The following IL2RB variants were observed in gnomAD, a reference collection of about 807,000 sequenced individuals.
IL2RB encodes the protein interleukin-2 receptor subunit beta.
A neutral mutation model predicts 44.2 loss-of-function variants in IL2RB; 17 were observed. The observed-to-expected ratio is 0.38, with a 90% CI of 0.26 to 0.58. The LOEUF (loss-of-function observed/expected upper bound fraction) is 0.58. Ranked by LOEUF, IL2RB falls within the 20% of genes least tolerant of loss-of-function variation. The probability of loss-of-function intolerance (pLI) is 0.63; values close to 1 mark genes in which losing one functional copy is unlikely to be tolerated. For missense variants in IL2RB, 624 were observed against 685.5 expected (o/e 0.91, Z 1.00); for synonymous variants, 286 against 297.9 (o/e 0.96, Z 0.41).
At chr22:37,161,191 C>T (rs1329510737) in intron 1 of IL2RB, among the ~76,000 whole-genome samples, 1 of 152,266 alleles carries the variant, frequency 6.6e-6, no homozygotes, top group South Asian at 2.1e-4. Context: ...AAATACTCGC[C>T]ATTAATTCTA....
intron 1 of IL2RB, among the ~76,000 whole-genome samples, chr22:37,156,777 G>A (rs1601610021): frequency 1.3e-5 from 2 of 152,320 alleles, no homozygotes; most frequent in South Asian, 4.1e-4. Context: ...AGGTTTGGGG[G>A]TGCCATTCAC....
At chr22:37,138,813 T>C (rs1921824528) in intron 5 of IL2RB, among the ~76,000 whole-genome samples, 1 of 152,154 alleles carries the variant, frequency 6.6e-6, no homozygotes, top group Non-Finnish European at 1.5e-5. Flanking sequence ...GGGATCGGCA[T>C]GTGCAAGGGC....
In IL2RB at chr22:37,143,673, T is replaced by C. The variant is rs2235330; in HGVS notation, c.89-38A>G. 282,768 of 1,431,338 alleles carry C rather than the reference T, an allele frequency of 0.2. 31,045 individuals are homozygous for C. Among genetic ancestry groups the C allele is most frequent in the East Asian group, 0.41 (18,038 of 43,848 alleles). The allele number at this position is 1,431,338 out of a possible 1,614,324, so 88.7% of individuals were successfully genotyped here. A position where few individuals can be genotyped will look rare whatever the true frequency, so the allele number is the denominator to read the frequency against. ...ATGAGGTGTGAGTGCTGACTGTAGG[T>C]GCCCACAGCCCCCCCAAGACACGCC... On this transcript the variant is annotated intron_variant, in intron 2 of 9. Coordinates refer to ENST00000216223, the MANE Select transcript of IL2RB (RefSeq NM_000878.5).
At position 37,162,297 on chromosome 22, in the gene IL2RB, G is replaced by C. The variant is rs142503228; in HGVS notation, c.-34+12661C>G. Among the ~76,000 whole-genome samples, 48 of 152,248 alleles carry C rather than the reference G, an allele frequency of 3.2e-4. No individual in the cohort carries two copies. In the East Asian group the frequency reaches 8.5e-3, roughly 27 times the overall value. On this transcript the variant is annotated intron_variant, in intron 1 of 5. Coordinates refer to the IL2RB transcript ENST00000429622. ...AGGCCCTGGTGCCAGTGTGAGCATT[G>C]GATGCTCAAGGACAGTACGGGAGGT... is the stretch of plus-strand genomic sequence containing the variant.
chr22:37,141,915 T>C lies in IL2RB; in HGVS notation c.282+519A>G, dbSNP rs1601601967. ...GAGGGCCTGAAAAACAAGGCCCTTG[T>C]TGGGCCTTGACCCAACAAGGTAGGT... On this transcript the variant is annotated intron_variant, in intron 4 of 9. Transcript: ENST00000216223. The surrounding 1 kb of genome is among the most constrained non-coding windows in gnomAD (Gnocchi z 4.4). Among the ~76,000 whole-genome samples the C allele has an allele frequency of 6.6e-6, 1 of 152,136 alleles. No individual in the cohort carries two copies.
intron 1 of IL2RB, among the ~76,000 whole-genome samples, chr22:37,170,549 C>T (rs1484649744): frequency 6.6e-6 from 1 of 152,156 alleles, no homozygotes; most frequent in African/African-American, 2.4e-5. Context: ...TGGGGGTGGA[C>T]AGTCTAGAAC....
chr22:37,128,257 C>A lies in IL2RB; in HGVS notation c.1495G>T (p.Glu499Ter). The A allele has an allele frequency of 6.7e-7, 1 of 1,497,460 alleles. No homozygotes were observed. The highest frequency in any genetic ancestry group is 8.9e-7 in the Non-Finnish European group (1 of 1,124,414). The allele number at this position is 1,497,460 out of a possible 1,614,324, so 92.8% of individuals were successfully genotyped here. A position where few individuals can be genotyped will look rare whatever the true frequency, so the allele number is the denominator to read the frequency against. Reference protein sequence around the residue: ...PELVLREAGEEVPDAGPREGV... With the variant: ...PELVLREAGE ...TCCCTGGGGCCAGCGTCAGGGACCTCCTCCCCAGCCTCTCGCAGCACCAGC... is the reference window on the plus strand; with the variant it reads ...TCCCTGGGGCCAGCGTCAGGGACCTACTCCCCAGCCTCTCGCAGCACCAGC... Residue 499 changes from glutamate (E) to a stop codon, truncating the protein, a stop_gained, in exon 10 of 10, where the codon GAG (glutamate) becomes TAG (stop). Transcript: ENST00000216223. LOFTEE classifies it low-confidence loss of function (END_TRUNC). The surrounding 1 kb of genome is among the most constrained non-coding windows in gnomAD (Gnocchi z 4.5).
chr22:37,140,830 C>T (rs1313287364), intron 4 of IL2RB, among the ~76,000 whole-genome samples: 2 of 152,158 alleles, frequency 1.3e-5, no homozygotes, highest in South Asian at 2.1e-4. Context: ...ACTGGGAGCC[C>T]GCAGGCCTGG....
chr22:37,172,903 AC>A (rs1923337232), intron 1 of IL2RB, among the ~76,000 whole-genome samples: 1 of 152,002 alleles, frequency 6.6e-6, no homozygotes. Context: ...CTTGAGAACC[AC>A]CGAAAGAGCT....
At chr22:37,140,930 G>A (rs754141790) in intron 4 of IL2RB, among the ~76,000 whole-genome samples, 2 of 152,164 alleles carry the variant, frequency 1.3e-5, no homozygotes, top group African/African-American at 2.4e-5. Flanking sequence ...GGTAAGAAGG[G>A]GACAGTGCTG....
rs1460925066 is a variant in IL2RB, at chr22:37,127,957, T to G, written c.*139A>C. The stretch of plus-strand genomic sequence containing the variant: ...GATGGACCAAGTGTGCAGGACTGGG[T>G]GGGGGCCATCCGGGTGGAGAAGTCC... On this transcript the variant is annotated 3_prime_UTR_variant, in exon 10 of 10. Transcript: ENST00000216223. 6.5e-6 allele frequency: 4 copies of G among 612,530 alleles called. No individual in the cohort carries two copies. In the East Asian group the frequency reaches 1.4e-4, roughly 21 times the overall value. 37.9% of individuals were successfully genotyped at this position (612,530 alleles called of 1,614,324 possible).
intron 1 of IL2RB, among the ~76,000 whole-genome samples, chr22:37,160,984 A>G (rs1239280013): frequency 6.6e-6 from 1 of 152,170 alleles, no homozygotes; most frequent in Non-Finnish European, 1.5e-5. Flanking sequence ...TCTACTAAAA[A>G]TACAAAATTA....
In IL2RB at chr22:37,128,066, A is replaced by C; in HGVS notation, c.*30T>G. 3 of 1,491,326 alleles carry C rather than the reference A, an allele frequency of 2.0e-6. No individual in the cohort carries two copies. Among genetic ancestry groups the C allele is most frequent in the Non-Finnish European group, 2.7e-6 (3 of 1,125,792 alleles). The allele number at this position is 1,491,326 out of a possible 1,614,324, so 92.4% of individuals were successfully genotyped here. A position where few individuals can be genotyped will look rare whatever the true frequency, so the allele number is the denominator to read the frequency against. On this transcript the variant is annotated 3_prime_UTR_variant, in exon 10 of 10. Transcript: ENST00000216223. This position sits in a 1 kb window ranked among gnomAD's most constrained non-coding sequence, Gnocchi z 4.5. ...TTCTGAGGCTCGGCGCAGAGCAGGC[A>C]GCTGCCTGCCTCCCACCCTGGCCAT...
At chr22:37,166,100 T>C (rs229494) in intron 1 of IL2RB, among the ~76,000 whole-genome samples, 73 of 152,084 alleles carry the variant, frequency 4.8e-4, no homozygotes, top group African/African-American at 1.7e-3. Flanking sequence ...CCAGGAGAGG[T>C]GACCTCACCG....
In IL2RB at chr22:37,135,634, G is replaced by A. The variant is rs556461669; in HGVS notation, c.704-192C>T. On this transcript the variant is annotated intron_variant, in intron 7 of 9. Coordinates refer to ENST00000216223, the MANE Select transcript of IL2RB (RefSeq NM_000878.5). ...CATGCTAAAAAGAAATGACACGGTG[G>A]CATTCTAAGAGCTCCTCCAGCTCCA... is the stretch of plus-strand genomic sequence containing the variant. Among the ~76,000 whole-genome samples the A allele has an allele frequency of 3.8e-3, 575 of 152,260 alleles. 2 individuals carry two copies. Among genetic ancestry groups the A allele is most frequent in the Admixed American group, 5.6e-3 (86 of 15,296 alleles).
intron 9 of IL2RB, among the ~76,000 whole-genome samples, chr22:37,131,012 C>A (rs2146227066): frequency 6.6e-6 from 1 of 152,244 alleles, no homozygotes; most frequent in East Asian, 1.9e-4. Context: ...ATTAAAAGTA[C>A]AAGAATTAGC....
rs935933505 is a variant in IL2RB, at chr22:37,136,143, C to T, written c.703+85G>A. On this transcript the variant is annotated intron_variant, in intron 7 of 9. Transcript: ENST00000216223. ...TGGAGCTGACTGCTATACCCTCACC[C>T]CAGGCAGGGAGAGAATGGAGCAGCT... 2.1e-6 allele frequency: 3 copies of T among 1,430,186 alleles called. No individual in the cohort carries two copies. The Admixed American group carries it at 6.0e-5, about 29-fold the overall frequency. 88.6% of individuals were successfully genotyped at this position (1,430,186 alleles called of 1,614,324 possible).
At chr22:37,143,936 C>A in intron 2 of IL2RB, 149 bp downstream of exon 2, 1 of 912,350 alleles carries the variant, frequency 1.1e-6, no homozygotes, top group Non-Finnish European at 1.7e-6. Context: ...TTCATGCATG[C>A]ATGCCAGGGC....
intron 1 of IL2RB, among the ~76,000 whole-genome samples, chr22:37,170,676 C>T (rs937630155): frequency 2.0e-5 from 3 of 152,218 alleles, no homozygotes; most frequent in Non-Finnish European, 1.5e-5. Context: ...CACTGCTTGA[C>T]GTGGCTCATG....
Sources: gnomAD v4.1 joint callset for allele counts (sites outside exome capture counted in the v4.1 genomes callset) on GRCh38, gnomAD v4.1.1 for gene constraint, Gnocchi (gnomAD v3.1) non-coding constraint, MANE v1.5 for transcripts, NCBI Gene and HGNC (gene_info 2026-07-23, HGNC 2026-07-21) for gene names.